Variants in ZFYVE28 observed in about 807,000 individuals in gnomAD.
ZFYVE28 encodes the protein zinc finger FYVE-type containing 28.
Under a neutral mutation model 82.1 loss-of-function variants are expected in ZFYVE28, and 40 were observed. That is an observed-to-expected ratio of 0.49 (90% CI 0.38 to 0.63). The LOEUF (loss-of-function observed/expected upper bound fraction) is 0.63, where lower values mean the gene tolerates loss of function less well. Among genes scored for constraint, ZFYVE28 ranks in the 30% least tolerant of loss-of-function variants. The probability of loss-of-function intolerance (pLI) is 0.00; values close to 1 mark genes in which losing one functional copy is unlikely to be tolerated. For synonymous variants in ZFYVE28, 612 were observed against 546.1 expected (o/e 1.12, Z -1.68); for missense variants, 1,321 against 1,242.1 (o/e 1.06, Z -0.96).
At chr4:2,361,901 G>C (rs1387415236) in intron 1 of ZFYVE28, among the ~76,000 whole-genome samples, 1 of 152,160 alleles carries the variant, frequency 6.6e-6, no homozygotes, top group African/African-American at 2.4e-5. Context: ...GGGAGGATGG[G>C]AGCAGGCAGG....
intron 1 of ZFYVE28, among the ~76,000 whole-genome samples, chr4:2,395,870 G>A (rs900735737): frequency 6.6e-6 from 1 of 152,186 alleles, no homozygotes; most frequent in Non-Finnish European, 1.5e-5. Flanking sequence ...CCAAGGCACT[G>A]CTGACACTTG....
chr4:2,327,631 T>C (rs1443883429), intron 6 of ZFYVE28, among the ~76,000 whole-genome samples: 4 of 152,178 alleles, frequency 2.6e-5, no homozygotes, highest in Non-Finnish European at 5.9e-5. Flanking sequence ...TCTAATTTGC[T>C]GAGTTTTTCA....
At position 2,418,417 on chromosome 4, in the gene ZFYVE28, C is replaced by A. The variant is rs890975269; in HGVS notation, c.-94G>T. ...GAGGCGCGGGGCGGACGCGGAGGCA[C>A]GGCCGGAGCCCCCGCGCTGTCGCAG... On this transcript the variant is annotated 5_prime_UTR_variant, in exon 1 of 13. Transcript: ENST00000290974. This position sits in a 1 kb window ranked among gnomAD's most constrained non-coding sequence, Gnocchi z 4.6. 8.9e-6 allele frequency: 9 copies of A among 1,007,210 alleles called. No individual in the cohort carries two copies. The African/African-American group carries it at 1.6e-4, about 17-fold the overall frequency. The allele number at this position is 1,007,210 out of a possible 1,614,324, so 62.4% of individuals were successfully genotyped here. A position where few individuals can be genotyped will look rare whatever the true frequency, so the allele number is the denominator to read the frequency against.
Position 2,354,163 on chromosome 4 carries a change from C to A in ZFYVE28, c.40-90G>T, listed in dbSNP as rs529276232. ...GCCTTGTCCCCAGGCCATGTGTGGG[C>A]TCAGCCTGGGACCTTCCACCCTGAG... On this transcript the variant is annotated intron_variant, in intron 1 of 12. Coordinates refer to ENST00000290974, the MANE Select transcript of ZFYVE28 (RefSeq NM_020972.3). 77 of 1,347,556 alleles carry A rather than the reference C, an allele frequency of 5.7e-5. No individual in the cohort carries two copies. In the East Asian group the frequency reaches 2.2e-3, roughly 38 times the overall value. 83.5% of individuals were successfully genotyped at this position (1,347,556 alleles called of 1,614,324 possible).
At position 2,339,737 on chromosome 4, in the gene ZFYVE28, G is replaced by T; in HGVS notation, c.319-82C>A. 1 of 1,371,398 alleles carries T rather than the reference G, an allele frequency of 7.3e-7. No homozygotes were observed. The allele number at this position is 1,371,398 out of a possible 1,614,324, so 85.0% of individuals were successfully genotyped here. On this transcript the variant is annotated intron_variant, in intron 3 of 12. Transcript: ENST00000290974. This position sits in a 1 kb window ranked among gnomAD's most constrained non-coding sequence, Gnocchi z 5.0. ...TCGCCGACCCGGGGAACCTGACTGC[G>T]CACCTCGGGGCCCCTCTTCTCACCC...
intron 6 of ZFYVE28, among the ~76,000 whole-genome samples, chr4:2,327,843 C>G (rs1385650734): frequency 6.6e-6 from 1 of 152,136 alleles, no homozygotes; most frequent in Admixed American, 6.5e-5. Context: ...GAAAAGCAAA[C>G]TAAAGCCACA....
intron 8 of ZFYVE28, among the ~76,000 whole-genome samples, chr4:2,297,344 C>G (rs949712377): frequency 3.9e-5 from 6 of 152,288 alleles, no homozygotes; most frequent in Admixed American, 3.3e-4. Flanking sequence ...CGGCTGCAGG[C>G]TCTCCTCCGT....
chr4:2,283,991 G>A (rs1293196038), intron 8 of ZFYVE28, among the ~76,000 whole-genome samples: 2 of 152,220 alleles, frequency 1.3e-5, no homozygotes, highest in Non-Finnish European at 2.9e-5. Flanking sequence ...TTGGCCTGTT[G>A]GTCAGTGCCC....
intron 2 of ZFYVE28, among the ~76,000 whole-genome samples, chr4:2,351,818 C>T (rs1014086334): frequency 6.6e-6 from 1 of 152,206 alleles, no homozygotes; most frequent in East Asian, 1.9e-4. Flanking sequence ...GCTCCCATGG[C>T]CCCCTTCTGG....
intron 7 of ZFYVE28, among the ~76,000 whole-genome samples, chr4:2,319,394 A>G (rs1718708555): frequency 6.6e-6 from 1 of 152,152 alleles, no homozygotes; most frequent in Admixed American, 6.5e-5. Flanking sequence ...CCCCATCTGC[A>G]AGGGTGACGA....
In ZFYVE28 at chr4:2,299,473, G is replaced by C. The variant is rs558760542; in HGVS notation, c.2051+4816C>G. On this transcript the variant is annotated intron_variant, in intron 8 of 12. Coordinates refer to ENST00000290974, the MANE Select transcript of ZFYVE28 (RefSeq NM_020972.3). ...ACCAATTCTAAAGAAATAATCCAAG[G>C]CTGGGCACAGCGGCCCACACCTGTA... Among the ~76,000 whole-genome samples the C allele has an allele frequency of 2.5e-3, 367 of 149,304 alleles. 1 individual carries two copies. The highest frequency in any genetic ancestry group is 8.6e-3 in the African/African-American group (345 of 40,236).
intron 1 of ZFYVE28, among the ~76,000 whole-genome samples, chr4:2,380,687 T>C (rs895544792): frequency 6.6e-6 from 1 of 152,194 alleles, no homozygotes; most frequent in African/African-American, 2.4e-5. Flanking sequence ...ATGGGGGTGA[T>C]TTCCCCCATA....
Position 2,305,410 on chromosome 4 carries a change from G to C in ZFYVE28, c.930C>G (p.Leu310=). Residue 310 remains leucine (L), a synonymous_variant, in exon 8 of 13, where the codon CTC becomes CTG. Coordinates refer to ENST00000290974, the MANE Select transcript of ZFYVE28 (RefSeq NM_020972.3). The part of the protein sequence containing the change: ...VQGPAALAPA[L]SAPLPPEGPL... ...GCCCCTCAGGGGGGAGAGGGGCAGA[G>C]AGGGCAGGCGCCAGGGCAGCGGGTC... The C allele has an allele frequency of 6.2e-7, 1 of 1,612,832 alleles. No individual in the cohort carries two copies. The highest frequency in any genetic ancestry group is 8.5e-7 in the Non-Finnish European group (1 of 1,179,948).
chr4:2,294,792 C>T (rs1714278772), intron 8 of ZFYVE28, among the ~76,000 whole-genome samples: 1 of 152,142 alleles, frequency 6.6e-6, no homozygotes, highest in Non-Finnish European at 1.5e-5. Context: ...AGACGCTTCA[C>T]CAAACAACCA....
intron 8 of ZFYVE28, among the ~76,000 whole-genome samples, chr4:2,284,404 T>C (rs1270824057): frequency 1.3e-5 from 2 of 151,998 alleles, no homozygotes; most frequent in East Asian, 1.9e-4. Flanking sequence ...TTGAAGACCA[T>C]GATGGGGAGG....
intron 1 of ZFYVE28, among the ~76,000 whole-genome samples, chr4:2,368,614 G>T (rs3128816): frequency 0.67 from 101,397 of 152,014 alleles, 34,168 homozygotes; most frequent in East Asian, 0.8. Context: ...GTCTGTTACT[G>T]TCACAGAGCA....
At chr4:2,396,220 C>A (rs1225326272) in intron 1 of ZFYVE28, among the ~76,000 whole-genome samples, 1 of 29,958 alleles carries the variant, frequency 3.3e-5, no homozygotes, top group Admixed American at 4.3e-4. Context: ...TGCAGAGGGG[C>A]CACAAGGCGG....
chr4:2,274,290 C>A, intron 8 of ZFYVE28, 74 bp from the exon 9 acceptor site: 1 of 1,538,966 alleles, frequency 6.5e-7, no homozygotes, highest in South Asian at 1.2e-5. Flanking sequence ...GGTCACTGGT[C>A]AAGACAAAAG....
Position 2,310,441 on chromosome 4 carries a change from T to C in ZFYVE28, c.804-4905A>G, listed in dbSNP as rs74998569. Among the ~76,000 whole-genome samples, 401 of 152,340 alleles carry C rather than the reference T, an allele frequency of 2.6e-3. 20 individuals carry two copies. The East Asian group carries it at 0.062, about 24-fold the overall frequency. ...CATCTATGTTCATGAGAGATTGGTG[T>C]AGTTTTTGTTTCTTGTAATATCTTG... On this transcript the variant is annotated intron_variant, in intron 7 of 12. Transcript: ENST00000290974.
Sources: allele counts gnomAD v4.1 joint callset (sites outside exome capture counted in the v4.1 genomes callset), GRCh38; gene constraint gnomAD v4.1.1; non-coding constraint Gnocchi (gnomAD v3.1); transcripts MANE v1.5; gene names NCBI Gene and HGNC (gene_info 2026-07-23, HGNC 2026-07-21).